Variants in PIK3C2G observed in about 807,000 individuals in gnomAD.
PIK3C2G encodes phosphatidylinositol 3-kinase C2 domain-containing subunit gamma.
PIK3C2G carries 168 observed loss-of-function variants against 181.1 expected under a neutral mutation model. The ratio of observed to expected loss-of-function variants is 0.93; its 90% CI spans 0.82 to 1.05. The LOEUF (loss-of-function observed/expected upper bound fraction) is 1.05, where lower values mean the gene tolerates loss of function less well. Ranked by LOEUF, PIK3C2G falls within the 50% of genes least tolerant of loss-of-function variation. The pLI is 0.00. For missense variants in PIK3C2G, 1,869 were observed against 1,732.8 expected, an observed-to-expected ratio of 1.08 and a Z score of -1.40; for synonymous variants, 573 against 592.2, an observed-to-expected ratio of 0.97 and a Z score of 0.47.
chr12:18,276,165 A>G (rs552502216), intron 1 of PIK3C2G, among the ~76,000 whole-genome samples: 6 of 152,136 alleles, frequency 3.9e-5, no homozygotes, highest in Non-Finnish European at 8.8e-5. Flanking sequence ...TTCTTCCTCA[A>G]ATGCCACTAG....
chr12:18,540,009 C>CA (rs1026734738), intron 25 of PIK3C2G, among the ~76,000 whole-genome samples: 32 of 151,364 alleles, frequency 2.1e-4, no homozygotes, highest in Admixed American at 8.6e-4. Context: ...AACAAACAAA[C>CA]AAAAAAACCC....
At chr12:18,393,351 T>A (rs556113168) in intron 15 of PIK3C2G, among the ~76,000 whole-genome samples, 5 of 152,212 alleles carry the variant, frequency 3.3e-5, no homozygotes, top group African/African-American at 1.2e-4. Flanking sequence ...CAGCCTTCAA[T>A]GTGGTGAAAC....
chr12:18,592,555 C>T lies in PIK3C2G; in HGVS notation c.4012-1939C>T, dbSNP rs142390242. ...TGGCAGAAACCTGAATGTAGTTGATCATAAAGTGAGTAGAAATTGAAGAAG... is the reference window on the plus strand; with the variant it reads ...TGGCAGAAACCTGAATGTAGTTGATTATAAAGTGAGTAGAAATTGAAGAAG... On this transcript the variant is annotated intron_variant, in intron 29 of 32. Transcript: ENST00000538779. 1.7e-4 allele frequency among the ~76,000 whole-genome samples: 26 copies of T among 151,854 alleles called. 1 individual carries two copies. The highest frequency in any genetic ancestry group is 6.3e-4 in the African/African-American group (26 of 41,476).
At chr12:18,282,942 G>A (rs1159870721) in intron 2 of PIK3C2G, among the ~76,000 whole-genome samples, 183 bp downstream of exon 2, 7 of 117,186 alleles carry the variant, frequency 6.0e-5, no homozygotes, top group Admixed American at 3.4e-4. Context: ...GAGAAAAAGG[G>A]AAATTAAAAA....
At chr12:18,571,009 A>G (rs932582581) in intron 29 of PIK3C2G, among the ~76,000 whole-genome samples, 1 of 150,762 alleles carries the variant, frequency 6.6e-6, no homozygotes, top group Admixed American at 6.6e-5. Flanking sequence ...TCTAACTTAC[A>G]CATTTAAAAT....
chr12:18,693,481 A>G, the PIK3C2G span: 1 of 1,608,470 alleles, frequency 6.2e-7, no homozygotes, highest in Non-Finnish European at 8.5e-7. Flanking sequence ...AAACCTTGTT[A>G]GCCAAAGCAG....
intron 26 of PIK3C2G, among the ~76,000 whole-genome samples, chr12:18,552,163 A>T (rs956725200): frequency 6.6e-6 from 1 of 152,070 alleles, no homozygotes; most frequent in Non-Finnish European, 1.5e-5. Context: ...TGGCCTCCAC[A>T]TCATGGACAC....
chr12:18,514,218 C>T (rs569493448), intron 24 of PIK3C2G, among the ~76,000 whole-genome samples: 5 of 151,770 alleles, frequency 3.3e-5, no homozygotes, highest in Admixed American at 2.0e-4. Flanking sequence ...TTTCAATCAC[C>T]TTGAATTTGT....
At chr12:18,287,327 A>G (rs748669261) in intron 3 of PIK3C2G, among the ~76,000 whole-genome samples, 2 of 152,100 alleles carry the variant, frequency 1.3e-5, no homozygotes, top group Non-Finnish European at 2.9e-5. Context: ...ATCATAGTTC[A>G]ATCTTATCTT....
chr12:18,440,115 T>C (rs1383036220), intron 18 of PIK3C2G, among the ~76,000 whole-genome samples: 1 of 152,054 alleles, frequency 6.6e-6, no homozygotes, highest in Non-Finnish European at 1.5e-5. Context: ...AATAATAATA[T>C]TTACTTTCAG....
chr12:18,607,292 A>C (rs1708069062), intron 30 of PIK3C2G: 1 of 411,058 alleles, frequency 2.4e-6, no homozygotes, highest in African/African-American at 2.1e-5. Flanking sequence ...TAAACATACG[A>C]ATGAAAGTAT....
chr12:18,647,437 C>G (rs1950197323), intron 32 of PIK3C2G, among the ~76,000 whole-genome samples: 1 of 150,002 alleles, frequency 6.7e-6, no homozygotes, highest in South Asian at 2.1e-4. Context: ...ACATCTATTC[C>G]CCTGAATCTA....
chr12:18,464,618 T>C (rs941127196), intron 18 of PIK3C2G, among the ~76,000 whole-genome samples: 2 of 152,116 alleles, frequency 1.3e-5, no homozygotes, highest in Non-Finnish European at 2.9e-5. Flanking sequence ...TCACTTTTTT[T>C]GTATGACCTT....
chr12:18,525,867 A>G (rs1157277115), intron 24 of PIK3C2G, among the ~76,000 whole-genome samples: 1 of 152,182 alleles, frequency 6.6e-6, no homozygotes, highest in Non-Finnish European at 1.5e-5. Context: ...TGAAATATTT[A>G]CACCCAGATG....
chr12:18,678,760 C>T, the PIK3C2G span, among the ~76,000 whole-genome samples: 2 of 152,054 alleles, frequency 1.3e-5, no homozygotes, highest in Admixed American at 6.6e-5. Context: ...AACATTTGGG[C>T]TGTTTCCAGT....
chr12:18,334,918 G>A (rs563161136), intron 8 of PIK3C2G, among the ~76,000 whole-genome samples: 1 of 152,086 alleles, frequency 6.6e-6, no homozygotes, highest in South Asian at 2.1e-4. Flanking sequence ...GTATAGAAAA[G>A]TGTTTATACA....
chr12:18,355,001 C>G (rs1344931434), intron 11 of PIK3C2G, among the ~76,000 whole-genome samples: 3 of 152,224 alleles, frequency 2.0e-5, no homozygotes. Flanking sequence ...TGTCCACATT[C>G]ACTTATGCCA....
chr12:18,454,052 G>GT (rs1239477405), intron 18 of PIK3C2G, among the ~76,000 whole-genome samples: 9 of 151,876 alleles, frequency 5.9e-5, no homozygotes, highest in East Asian at 1.9e-4. Flanking sequence ...TTTTCTACTA[G>GT]TTTTTTTTAC....
At chr12:18,318,228 G>A (rs1026227400) in intron 6 of PIK3C2G, among the ~76,000 whole-genome samples, 4 of 152,034 alleles carry the variant, frequency 2.6e-5, no homozygotes, top group African/African-American at 9.7e-5. Flanking sequence ...ATAAATTTTA[G>A]TCTTAATTGA....
Sources: gnomAD v4.1 joint callset for allele counts (sites outside exome capture counted in the v4.1 genomes callset) on GRCh38, gnomAD v4.1.1 for gene constraint, MANE v1.5 for transcripts, NCBI Gene and HGNC (gene_info 2026-07-23, HGNC 2026-07-21) for gene names.